EVL: variants seen among roughly 807,000 people sequenced by gnomAD.
EVL encodes ena/VASP-like protein.
EVL carries 21 observed loss-of-function variants against 59.6 expected under a neutral mutation model. The ratio of observed to expected loss-of-function variants is 0.35; its 90% CI spans 0.25 to 0.51. The LOEUF is 0.51. Among genes scored for constraint, EVL ranks in the 20% least tolerant of loss-of-function variants. The pLI, the probability that EVL is intolerant of heterozygous loss-of-function variation, is 0.97. For missense variants in EVL, 462 were observed against 546.6 expected (o/e 0.85, Z 1.54); for synonymous variants, 198 against 203.5 (o/e 0.97, Z 0.23).
chr14:100,061,579 A>G (rs539669613), upstream of EVL, among the ~76,000 whole-genome samples: 10 of 151,888 alleles, frequency 6.6e-5, no homozygotes, highest in East Asian at 1.6e-3. Flanking sequence ...CAATACACGC[A>G]CACACGCACA....
chr14:100,048,541 A>G (rs1417654250), intron 1 of EVL, among the ~76,000 whole-genome samples: 2 of 152,224 alleles, frequency 1.3e-5, no homozygotes, highest in Non-Finnish European at 2.9e-5. Flanking sequence ...AAAATGGCAC[A>G]GCTACTCTGG....
intron 1 of EVL, among the ~76,000 whole-genome samples, chr14:100,034,727 G>A (rs1169397671): frequency 6.6e-6 from 1 of 151,880 alleles, no homozygotes; most frequent in Non-Finnish European, 1.5e-5. Context: ...GACAGAGTGA[G>A]ACCCCAACTC....
chr14:100,136,415 G>A (rs536076375), intron 9 of EVL, among the ~76,000 whole-genome samples: 9 of 151,926 alleles, frequency 5.9e-5, no homozygotes, highest in Non-Finnish European at 7.4e-5. Flanking sequence ...CACCCAAAAC[G>A]CAGCCCCTTC....
At position 100,105,379 on chromosome 14, in the gene EVL, G is replaced by A. The variant is rs533563965; in HGVS notation, c.358+7721G>A. Among the ~76,000 whole-genome samples the A allele has an allele frequency of 3.9e-5, 6 of 152,214 alleles. No homozygotes were observed. In the South Asian group the frequency reaches 1.0e-3, roughly 26 times the overall value. On this transcript the variant is annotated intron_variant, in intron 3 of 13. Transcript: ENST00000392920. Reference sequence around the variant, plus strand: ...TCTAGCCTTCCAGACTGAGACTCAGGAGGCCTGGCTCTTGCCCTAGTCCCA... The same window carrying A: ...TCTAGCCTTCCAGACTGAGACTCAGAAGGCCTGGCTCTTGCCCTAGTCCCA...
chr14:100,126,561 G>A, intron 4 of EVL, 146 bp from the exon 5 acceptor site: 1 of 761,570 alleles, frequency 1.3e-6, no homozygotes, highest in Non-Finnish European at 2.2e-6. Flanking sequence ...TCTGTTAAGT[G>A]GAGGCAGCCG....
At chr14:100,083,913 G>A (rs1032312330) in intron 1 of EVL, among the ~76,000 whole-genome samples, 3 of 152,110 alleles carry the variant, frequency 2.0e-5, no homozygotes, top group African/African-American at 7.2e-5. Flanking sequence ...CACTGAATAC[G>A]TGTATGAACT....
At chr14:100,117,139 A>T (rs1566710575) in intron 3 of EVL, among the ~76,000 whole-genome samples, 1 of 152,068 alleles carries the variant, frequency 6.6e-6, no homozygotes, top group African/African-American at 2.4e-5. Flanking sequence ...CTGGCAAGAC[A>T]GATTTCACCC....
intron 4 of EVL, 128 bp from the exon 5 acceptor site, chr14:100,126,579 C>A: frequency 1.1e-6 from 1 of 906,058 alleles, no homozygotes; most frequent in Non-Finnish European, 1.8e-6. Context: ...CCGTGGCACA[C>A]AGTGGCGCTT....
intron 1 of EVL, among the ~76,000 whole-genome samples, chr14:100,035,185 GTCAC>G (rs2061370227): frequency 6.6e-6 from 1 of 152,098 alleles, no homozygotes; most frequent in African/African-American, 2.4e-5. Flanking sequence ...TTAAAATGAA[GTCAC>G]TCAATTAGAA....
At chr14:100,113,286 A>C (rs1887119245) in intron 3 of EVL, among the ~76,000 whole-genome samples, 1 of 152,184 alleles carries the variant, frequency 6.6e-6, no homozygotes, top group African/African-American at 2.4e-5. Context: ...CTTTGAGCGT[A>C]ACATCCCAGG....
At chr14:100,089,617 C>T (rs897776592) in intron 2 of EVL, among the ~76,000 whole-genome samples, 3 of 152,160 alleles carry the variant, frequency 2.0e-5, no homozygotes, top group Non-Finnish European at 4.4e-5. Context: ...ACTTGTGGGA[C>T]GCAGCTAGAA....
chr14:99,979,483 T>C (rs1351064909), intron 1 of EVL, among the ~76,000 whole-genome samples: 1 of 152,214 alleles, frequency 6.6e-6, no homozygotes, highest in African/African-American at 2.4e-5. Flanking sequence ...TAAACTTTTT[T>C]TTTTCAGTTA....
In EVL at chr14:99,972,413, CGCGAGGACCGA is replaced by C. The variant is rs1180505833; in HGVS notation, c.5+357_5+367del. 6.6e-6 allele frequency among the ~76,000 whole-genome samples: 1 copy of C among 152,064 alleles called. No individual in the cohort carries two copies. The highest frequency in any genetic ancestry group is 1.5e-5 in the Non-Finnish European group (1 of 68,006). ...GGCAGGTGTGGCCGTGTCCCGACCG[CGCGAGGACCGA>C]AGTTGGCGGAAGCCCCTGTGCGGTG... On this transcript the variant is annotated intron_variant, in intron 1 of 13. Transcript: ENST00000402714. The surrounding 1 kb of genome is among the most constrained non-coding windows in gnomAD (Gnocchi z 4.4).
At chr14:100,143,646 G>A in intron 13 of EVL, 55 bp from the exon 14 acceptor site, 1 of 1,606,046 alleles carries the variant, frequency 6.2e-7, no homozygotes, top group South Asian at 1.1e-5. Flanking sequence ...CCCTGATGAG[G>A]AACCGGGCTG....
At chr14:100,016,499 A>T (rs925348216) in intron 1 of EVL, among the ~76,000 whole-genome samples, 1 of 151,688 alleles carries the variant, frequency 6.6e-6, no homozygotes, top group Non-Finnish European at 1.5e-5. Flanking sequence ...ACTGCACTGC[A>T]GCTTGGCGAT....
At chr14:100,039,388 C>A (rs1162015674) in intron 1 of EVL, among the ~76,000 whole-genome samples, 1 of 152,106 alleles carries the variant, frequency 6.6e-6, no homozygotes, top group African/African-American at 2.4e-5. Context: ...AAGCATGCAC[C>A]ACCACACCTG....
chr14:100,027,999 A>G (rs2061243323), intron 1 of EVL, among the ~76,000 whole-genome samples: 1 of 152,146 alleles, frequency 6.6e-6, no homozygotes, highest in South Asian at 2.1e-4. Flanking sequence ...GACCGTTGTG[A>G]CTAATGCTGC....
chr14:100,139,658 C>T (rs1380602460), intron 11 of EVL: 1 of 152,290 alleles, frequency 6.6e-6, no homozygotes, highest in Admixed American at 6.5e-5. Context: ...ATTCTTCATC[C>T]TTATTCTCCC....
intron 1 of EVL, among the ~76,000 whole-genome samples, chr14:100,048,902 G>A (rs1181289771): frequency 6.6e-6 from 1 of 152,210 alleles, no homozygotes; most frequent in Non-Finnish European, 1.5e-5. Flanking sequence ...AAACTGTTGA[G>A]ATGGAGAACA....
Sources: allele counts gnomAD v4.1 joint callset (sites outside exome capture counted in the v4.1 genomes callset), GRCh38; gene constraint gnomAD v4.1.1; non-coding constraint Gnocchi (gnomAD v3.1); transcripts MANE v1.5; gene names NCBI Gene and HGNC (gene_info 2026-07-23, HGNC 2026-07-21).